The following RAPGEF6 variants were observed in gnomAD, a reference collection of about 807,000 sequenced individuals.
RAPGEF6 encodes the protein PDZ domain containing guanine nucleotide exchange factor (GEF) 2.
A neutral mutation model predicts 171.4 loss-of-function variants in RAPGEF6; 56 were observed. The observed-to-expected ratio is 0.33, with a 90% CI of 0.26 to 0.41. RAPGEF6 has a LOEUF of 0.41. Among genes scored for constraint, RAPGEF6 ranks in the 10% least tolerant of loss-of-function variants. RAPGEF6 has a pLI of 1.00. For synonymous variants in RAPGEF6, 692 were observed against 650.1 expected, an observed-to-expected ratio of 1.06 and a Z score of -0.98; for missense variants, 1,674 against 1,921.4, an observed-to-expected ratio of 0.87 and a Z score of 2.41.
chr5:131,511,004 C>T (rs997086115), intron 7 of RAPGEF6, among the ~76,000 whole-genome samples: 1 of 152,062 alleles, frequency 6.6e-6, no homozygotes, highest in South Asian at 2.1e-4. Flanking sequence ...CTAAAATGCA[C>T]TAAAATAGAC....
Position 131,433,538 on chromosome 5 carries a change from T to C in RAPGEF6, c.3866A>G (p.Gln1289Arg). 1.9e-6 allele frequency: 3 copies of C among 1,613,672 alleles called. No homozygotes were observed. The highest frequency in any genetic ancestry group is 2.5e-6 in the Non-Finnish European group (3 of 1,179,562). ...GGCCTGAGAGGAACACCGTTCATCC[T>C]GTAGAGCTGCAGACATGGAGTCAAC... ...CSVDSMSAALQDERCSSQALA... is the reference protein window; with the variant it reads ...CSVDSMSAALRDERCSSQALA... The change falls in exon 25 of 28, where the codon CAG (glutamine) becomes CGG (arginine). Residue 1289 changes from glutamine (Q) to arginine (R), a missense_variant. Gln to Arg is a conservative substitution (Grantham distance 43). This residue lies in a region of RAPGEF6 where 552 missense variants were observed against 574.2 expected (regional missense o/e 0.96). Transcript: ENST00000509018.
intron 6 of RAPGEF6, among the ~76,000 whole-genome samples, chr5:131,534,342 G>A (rs999462205): frequency 6.6e-6 from 1 of 152,012 alleles, no homozygotes. Flanking sequence ...GAATTACACT[G>A]CTACTTATAA....
At chr5:131,486,118 G>A (rs1298532399) in intron 15 of RAPGEF6, among the ~76,000 whole-genome samples, 1 of 152,160 alleles carries the variant, frequency 6.6e-6, no homozygotes, top group African/African-American at 2.4e-5. Context: ...TCAGAGAGAG[G>A]TTTTCAAAGT....
chr5:131,489,710 A>C, intron 14 of RAPGEF6, 56 bp from the exon 15 acceptor site: 1 of 957,842 alleles, frequency 1.0e-6, no homozygotes, highest in Non-Finnish European at 1.5e-6. Context: ...TTACTCCTAC[A>C]ACCTTAAAAG....
chr5:131,555,333 C>T (rs976066573), intron 5 of RAPGEF6, among the ~76,000 whole-genome samples: 1 of 152,072 alleles, frequency 6.6e-6, no homozygotes, highest in Non-Finnish European at 1.5e-5. Context: ...TTGGATATCG[C>T]TGCTTCTAAA....
At position 131,564,079 on chromosome 5, in the gene RAPGEF6, T is replaced by C. The variant is rs189085288; in HGVS notation, c.282-2032A>G. On this transcript the variant is annotated intron_variant, in intron 4 of 27. Coordinates refer to ENST00000509018, the MANE Select transcript of RAPGEF6 (RefSeq NM_016340.6). ...CTAAGATGACTCTTGCAATACACCATTTTACCACCTACAGGCAAGAGAAGC... is the reference window on the plus strand; with the variant it reads ...CTAAGATGACTCTTGCAATACACCACTTTACCACCTACAGGCAAGAGAAGC... Among the ~76,000 whole-genome samples the C allele has an allele frequency of 1.4e-3, 210 of 152,250 alleles. 1 individual carries two copies. The highest frequency in any genetic ancestry group is 4.8e-3 in the African/African-American group (200 of 41,550).
At chr5:131,535,459 T>A (rs2149931445) in intron 6 of RAPGEF6, among the ~76,000 whole-genome samples, 1 of 152,298 alleles carries the variant, frequency 6.6e-6, no homozygotes. Flanking sequence ...CATTATCTTA[T>A]CAATTCAAAT....
chr5:131,501,336 CA>C (rs1439021234), intron 11 of RAPGEF6, among the ~76,000 whole-genome samples: 2,675 of 83,752 alleles, frequency 0.032, 60 homozygotes, highest in African/African-American at 0.091. Context: ...ACTTTGTCTC[CA>C]AAAAAAAAAA....
chr5:131,507,552 C>T (rs1757448781), intron 9 of RAPGEF6, among the ~76,000 whole-genome samples: 1 of 152,126 alleles, frequency 6.6e-6, no homozygotes, highest in African/African-American at 2.4e-5. Flanking sequence ...TCCACCCATC[C>T]ACAAGCTGTC....
chr5:131,502,920 TCCCGAGTAGCTGGGATTGATTA>T (rs2149886337), intron 11 of RAPGEF6, among the ~76,000 whole-genome samples: 1 of 152,288 alleles, frequency 6.6e-6, no homozygotes, highest in South Asian at 2.1e-4. Flanking sequence ...TGCTTCAGCC[TCCCGAGTAGCTGGGATTGATTA>T]CAGGCGGCCA....
At chr5:131,427,496 T>G (rs925812980) in intron 27 of RAPGEF6, among the ~76,000 whole-genome samples, 6 of 152,186 alleles carry the variant, frequency 3.9e-5, no homozygotes, top group African/African-American at 1.4e-4. Context: ...TTTTTAATCA[T>G]TTTATTACTC....
At chr5:131,550,159 T>A (rs1760830738) in intron 5 of RAPGEF6, among the ~76,000 whole-genome samples, 1 of 152,120 alleles carries the variant, frequency 6.6e-6, no homozygotes. Context: ...TAAGTCTTAA[T>A]CACCTCAGTC....
In RAPGEF6 at chr5:131,464,155, G is replaced by T. The variant is rs1754150359; in HGVS notation, c.2366C>A (p.Ala789Glu). 6.2e-7 allele frequency: 1 copy of T among 1,613,966 alleles called. No homozygotes were observed. Residue 789 changes from alanine (A) to glutamate (E), a missense_variant, in exon 18 of 28, where the codon GCA becomes GAA. Around this residue, in one of 3 missense-constraint regions of RAPGEF6, gnomAD observed 1,116 missense variants for 1,321.5 expected, o/e 0.84. Transcript: ENST00000509018. ...TTCACAGAGAGAATATGTGTCGGAT[G>T]CACCGGTCAAACCAAATTCATGAAC... is the stretch of plus-strand genomic sequence containing the variant. ...HAVHEFGLTG[A>E]SDTYSLCEVS...
intron 9 of RAPGEF6, 147 bp downstream of exon 9, chr5:131,507,924 G>A: frequency 1.3e-6 from 1 of 743,322 alleles, no homozygotes; most frequent in Non-Finnish European, 2.0e-6. Flanking sequence ...TTCAGAAATT[G>A]TAACTAACTC....
Position 131,537,510 on chromosome 5 carries a change from C to T in RAPGEF6, c.495+10537G>A, listed in dbSNP as rs184017243. On this transcript the variant is annotated intron_variant, in intron 6 of 27. Transcript: ENST00000509018. ...AATAATCAGTCATGTACAGATTTTT[C>T]CCTAAAAGTTGTTTGTAATAGGAGA... Among the ~76,000 whole-genome samples the T allele has an allele frequency of 4.8e-3, 724 of 150,090 alleles. 5 individuals carry two copies. Among genetic ancestry groups the T allele is most frequent in the African/African-American group, 0.017 (687 of 39,644 alleles).
intron 5 of RAPGEF6, among the ~76,000 whole-genome samples, chr5:131,560,777 T>C (rs1402518597): frequency 6.6e-6 from 1 of 152,252 alleles, no homozygotes; most frequent in Non-Finnish European, 1.5e-5. Flanking sequence ...CTTTGCCCTG[T>C]AAGAGCTTAA....
At chr5:131,577,484 C>A (rs1020932627) in intron 4 of RAPGEF6, among the ~76,000 whole-genome samples, 4 of 152,196 alleles carry the variant, frequency 2.6e-5, no homozygotes, top group Non-Finnish European at 5.9e-5. Context: ...CAGACACCAG[C>A]CCTCTAGGCG....
At chr5:131,461,609 C>T in intron 19 of RAPGEF6, 96 bp downstream of exon 19, 1 of 1,192,550 alleles carries the variant, frequency 8.4e-7, no homozygotes, top group South Asian at 1.8e-5. Flanking sequence ...ATTAATTGAA[C>T]ATTTCTTTTC....
chr5:131,602,357 T>C (rs1004690714), intron 3 of RAPGEF6, among the ~76,000 whole-genome samples: 2 of 152,226 alleles, frequency 1.3e-5, no homozygotes, highest in Non-Finnish European at 2.9e-5. Flanking sequence ...AACAACGTTA[T>C]GTGGCACATG....
Sources: allele counts gnomAD v4.1 joint callset (sites outside exome capture counted in the v4.1 genomes callset), GRCh38; gene constraint gnomAD v4.1.1; regional missense constraint gnomAD v4.1.1; transcripts MANE v1.5; gene names NCBI Gene and HGNC (gene_info 2026-07-23, HGNC 2026-07-21).